The following SLC7A9 variants were observed in gnomAD, a reference collection of about 807,000 sequenced individuals.
SLC7A9 encodes solute carrier family 7 member 9.
In SLC7A9, 38 loss-of-function variants were observed where a neutral mutation model predicts 54.1. The observed-to-expected ratio is 0.70, with a 90% confidence interval of 0.54 to 0.92. The LOEUF (loss-of-function observed/expected upper bound fraction) is 0.92, where lower values mean the gene tolerates loss of function less well. Ranked by LOEUF, SLC7A9 falls within the 40% of genes least tolerant of loss-of-function variation. The pLI is 0.00. For synonymous variants in SLC7A9, 264 were observed against 258.9 expected (o/e 1.02, Z -0.19); for missense variants, 537 against 636.1 (o/e 0.84, Z 1.68).
chr19:32,860,201 T>C (rs1968757566), intron 7 of SLC7A9: 3 of 1,465,256 alleles, frequency 2.0e-6, no homozygotes, highest in African/African-American at 1.4e-5. Context: ...TTCCCTCCCT[T>C]AGGAGCCACT....
intron 9 of SLC7A9, among the ~76,000 whole-genome samples, chr19:32,854,641 T>C (rs1568524428): frequency 6.6e-6 from 1 of 152,098 alleles, no homozygotes; most frequent in Non-Finnish European, 1.5e-5. Flanking sequence ...CAGGCTGGAG[T>C]GCACTGGTGC....
chr19:32,852,456 C>T (rs559929124), intron 9 of SLC7A9, among the ~76,000 whole-genome samples: 2 of 152,032 alleles, frequency 1.3e-5, no homozygotes, highest in African/African-American at 4.8e-5. Context: ...ATTGCACCAC[C>T]ACACTCCAGC....
At chr19:32,842,085 G>A in intron 11 of SLC7A9, 83 bp downstream of exon 11, 1 of 1,327,120 alleles carries the variant, frequency 7.5e-7, no homozygotes, top group South Asian at 1.2e-5. Context: ...GAACTAGAAG[G>A]CATGCCCCTA....
At chr19:32,841,794 C>A (rs1968133905) in intron 11 of SLC7A9, among the ~76,000 whole-genome samples, 1 of 152,092 alleles carries the variant, frequency 6.6e-6, no homozygotes, top group Admixed American at 6.6e-5. Flanking sequence ...GTAATCCCAG[C>A]AACTTGGGAA....
chr19:32,845,125 C>G (rs912158157), intron 9 of SLC7A9, among the ~76,000 whole-genome samples: 1 of 151,392 alleles, frequency 6.6e-6, no homozygotes, highest in Non-Finnish European at 1.5e-5. Context: ...GATTGTGCCA[C>G]TGTACTCCAG....
rs747551421 is a variant in SLC7A9, at chr19:32,864,268, C to T, written c.306G>A (p.Glu102=). 1 of 1,614,150 alleles carries T rather than the reference C, an allele frequency of 6.2e-7. No individual in the cohort carries two copies. Among genetic ancestry groups the T allele is most frequent in the Non-Finnish European group, 8.5e-7 (1 of 1,180,014 alleles). The change falls in exon 4 of 13, where the codon GAG becomes GAA. Residue 102 remains glutamate (E), a synonymous_variant. Transcript: ENST00000023064. ...GGTAGGCGGGGATGGGCCCGTAGGC[C>T]TCCATCAGGTAGGGATACTCTCCCC... ...KSGGEYPYLM[E]AYGPIPAYLF... is the part of the protein sequence containing the mutation.
At chr19:32,859,108 A>AT (rs898509339) in intron 8 of SLC7A9, among the ~76,000 whole-genome samples, 21 of 142,246 alleles carry the variant, frequency 1.5e-4, no homozygotes, top group African/African-American at 5.0e-4. Flanking sequence ...TTTTAATTTG[A>AT]TTTTTTTTGG....
At chr19:32,858,933 C>T (rs189214801) in intron 8 of SLC7A9, among the ~76,000 whole-genome samples, 15 of 151,966 alleles carry the variant, frequency 9.9e-5, no homozygotes, top group South Asian at 2.1e-4. Context: ...GGATTACAGG[C>T]GCATGCCACC....
intron 11 of SLC7A9, among the ~76,000 whole-genome samples, chr19:32,838,435 T>C (rs1568513348): frequency 6.7e-6 from 1 of 149,150 alleles, no homozygotes; most frequent in Non-Finnish European, 1.5e-5. Flanking sequence ...ATATATTCTG[T>C]ATAATATATG....
chr19:32,867,499 A>G (rs1466875246), intron 2 of SLC7A9, among the ~76,000 whole-genome samples: 1 of 152,100 alleles, frequency 6.6e-6, no homozygotes, highest in African/African-American at 2.4e-5. Context: ...CCTGGGTGAC[A>G]GAGTAAGACC....
At chr19:32,841,608 G>A (rs981353314) in intron 11 of SLC7A9, among the ~76,000 whole-genome samples, 3 of 152,120 alleles carry the variant, frequency 2.0e-5, no homozygotes, top group East Asian at 3.9e-4. Flanking sequence ...ATATATGTGC[G>A]AGAGATATCA....
chr19:32,858,677 A>G, intron 8 of SLC7A9, 134 bp from the exon 9 acceptor site: 1 of 696,762 alleles, frequency 1.4e-6, no homozygotes, highest in South Asian at 1.5e-5. Flanking sequence ...TGACTCCTCC[A>G]CTGCAGAGGA....
At chr19:32,843,274 T>C (rs560016751) in intron 10 of SLC7A9, among the ~76,000 whole-genome samples, 1 of 152,094 alleles carries the variant, frequency 6.6e-6, no homozygotes, top group South Asian at 2.1e-4. Context: ...CTGGCCAGCA[T>C]GGTGAAACCC....
intron 2 of SLC7A9, among the ~76,000 whole-genome samples, chr19:32,868,230 CAAAA>C (rs57317909): frequency 4.0e-4 from 35 of 88,474 alleles, no homozygotes; most frequent in African/African-American, 1.0e-3. Context: ...CACTCCATCT[CAAAA>C]AAAAAAAAAA....
intron 7 of SLC7A9, 133 bp from the exon 8 acceptor site, chr19:32,860,097 CA>C: frequency 6.4e-7 from 1 of 1,566,684 alleles, no homozygotes; most frequent in Non-Finnish European, 8.6e-7. Context: ...AAGACATTTT[CA>C]AATGAGAATG....
chr19:32,868,355 C>T (rs1405994614), intron 2 of SLC7A9, 93 bp downstream of exon 2: 2 of 856,150 alleles, frequency 2.3e-6, no homozygotes, highest in Non-Finnish European at 4.0e-6. Flanking sequence ...TGCCGTGTCA[C>T]TAGGGATCGG....
chr19:32,840,468 GTTCCTTCTT>G, intron 11 of SLC7A9, among the ~76,000 whole-genome samples: 1 of 152,138 alleles, frequency 6.6e-6, no homozygotes, highest in South Asian at 2.1e-4. Flanking sequence ...CAGCCTCTGT[GTTCCTTCTT>G]TTCCTTCTTG....
chr19:32,855,390 G>A (rs908740217), intron 9 of SLC7A9, among the ~76,000 whole-genome samples: 5 of 152,004 alleles, frequency 3.3e-5, no homozygotes, highest in African/African-American at 4.8e-5. Context: ...CCCAGTGATC[G>A]CCAGTCCCTC....
chr19:32,858,768 C>CTTTATTTCTTTATTTATTTATTTA (rs1555784552), intron 8 of SLC7A9, among the ~76,000 whole-genome samples: 2 of 148,534 alleles, frequency 1.3e-5, no homozygotes, highest in East Asian at 4.1e-4. Flanking sequence ...TGGCATAAAT[C>CTTTATTTCTTTATTTATTTATTTA]TTTATTTATT....
Sources: allele counts gnomAD v4.1 joint callset (sites outside exome capture counted in the v4.1 genomes callset), GRCh38; gene constraint gnomAD v4.1.1; transcripts MANE v1.5; gene names NCBI Gene and HGNC (gene_info 2026-07-23, HGNC 2026-07-21).